EXD1: variants seen among roughly 807,000 people sequenced by gnomAD.
EXD1 encodes the protein exonuclease 3'-5' domain containing 1.
EXD1 carries 63 observed loss-of-function variants against 49.1 expected under a neutral mutation model. The ratio of observed to expected loss-of-function variants is 1.28; its 90% CI spans 1.05 to 1.58. The LOEUF (loss-of-function observed/expected upper bound fraction) is 1.58, where lower values mean the gene tolerates loss of function less well. Ranked by LOEUF, EXD1 falls within the 40% of genes most tolerant of loss-of-function variation. EXD1 has a pLI of 0.00. For missense variants in EXD1, 748 were observed against 666.0 expected, an observed-to-expected ratio of 1.12 and a Z score of -1.36; for synonymous variants, 234 against 239.2, an observed-to-expected ratio of 0.98 and a Z score of 0.20.
intron 2 of EXD1, among the ~76,000 whole-genome samples, chr15:41,224,994 C>A (rs1007005750): frequency 3.9e-5 from 6 of 151,940 alleles, no homozygotes; most frequent in Non-Finnish European, 5.9e-5. Context: ...CCCTATGTTT[C>A]TTTTGCATTT....
At position 41,189,950 on chromosome 15, in the gene EXD1, A is replaced by G. The variant is rs747851931; in HGVS notation, c.1043T>C (p.Leu348Pro). Residue 348 changes from leucine to proline, a missense_variant, in exon 11 of 12, where the codon CTT (leucine) becomes CCT (proline). Leu to Pro is a moderately conservative substitution (Grantham distance 98). Transcript: ENST00000458580. ...NTYREGSADR[L>P]GGTEPTCMEL... is the part of the protein sequence containing the mutation. ...AGCTGCACCTACCTCAGTGCCTCCA[A>G]GCCGGTCTGCAGACCCTTCGCGATA... 1 of 1,614,006 alleles carries G rather than the reference A, an allele frequency of 6.2e-7. No individual in the cohort carries two copies. The highest frequency in any genetic ancestry group is 1.7e-5 in the Admixed American group (1 of 59,994).
At chr15:41,210,263 C>T (rs1308695717) in intron 6 of EXD1, among the ~76,000 whole-genome samples, 2 of 152,128 alleles carry the variant, frequency 1.3e-5, no homozygotes, top group African/African-American at 2.4e-5. Flanking sequence ...CTATGGCATG[C>T]CCTAACACAG....
intron 6 of EXD1, 82 bp downstream of exon 6, chr15:41,215,693 A>AAAG: frequency 6.9e-7 from 1 of 1,457,318 alleles, no homozygotes; most frequent in Non-Finnish European, 9.6e-7. Flanking sequence ...CTCAAAAAAA[A>AAAG]AAAGAAAGAA....
At position 41,209,564 on chromosome 15, in the gene EXD1, A is replaced by G. The variant is rs1367256269; in HGVS notation, c.471T>C (p.Asn157=). The change falls in exon 7 of 12, where the codon AAT becomes AAC. Residue 157 remains asparagine, a synonymous_variant. Transcript: ENST00000458580. The part of the protein sequence containing the change: ...GAAILHIKKQ[N]VLSVAAEGAN... ...CTCCTTCTGCTGCCACACTCAGGAC[A>G]TTCTGCTTCTTGATATGGAGTATCT... 5 of 1,614,164 alleles carry G rather than the reference A, an allele frequency of 3.1e-6. No individual in the cohort carries two copies. In the South Asian group the frequency reaches 4.4e-5, roughly 14 times the overall value.
chr15:41,212,433 C>T lies in EXD1; in HGVS notation c.448-2846G>A, dbSNP rs561478965. On this transcript the variant is annotated intron_variant, in intron 6 of 11. Transcript: ENST00000458580. ...TGGTGCCACTGCACTCCAGCCTGGG[C>T]GACAGAGCAAGACTCCGTCTCAAAA... 2.0e-4 allele frequency among the ~76,000 whole-genome samples: 31 copies of T among 151,238 alleles called. 1 individual carries two copies. In the South Asian group the frequency reaches 5.0e-3, roughly 24 times the overall value.
chr15:41,215,926 G>C (rs544930608), intron 5 of EXD1, 93 bp from the exon 6 acceptor site: 69 of 1,261,978 alleles, frequency 5.5e-5, no homozygotes, highest in Non-Finnish European at 7.6e-5. Flanking sequence ...TATTCCTACT[G>C]TATTGCAACT....
Position 41,196,008 on chromosome 15 carries a change from A to T in EXD1, c.564T>A (p.Phe188Leu), listed in dbSNP as rs2046607120. The part of the protein sequence containing the change: ...QVATNCRVYL[F>L]DIFLLGSRAF... ...CTCGACTTCCCAGAAGGAAAATGTC[A>T]AATAAGTAAACTCGGCAATTTGTGG... is the stretch of plus-strand genomic sequence containing the variant. The change falls in exon 8 of 12, where the codon TTT becomes TTA. Residue 188 changes from phenylalanine to leucine, a missense_variant. Phe to Leu is a conservative substitution (Grantham distance 22). Coordinates refer to ENST00000458580, the MANE Select transcript of EXD1 (RefSeq NM_001286441.2). The T allele has an allele frequency of 1.2e-6, 2 of 1,613,368 alleles. No individual in the cohort carries two copies. Among genetic ancestry groups the T allele is most frequent in the Non-Finnish European group, 1.7e-6 (2 of 1,179,826 alleles).
At chr15:41,194,382 A>C (rs2046578921) in intron 9 of EXD1, among the ~76,000 whole-genome samples, 1 of 152,104 alleles carries the variant, frequency 6.6e-6, no homozygotes, top group African/African-American at 2.4e-5. Context: ...TGATGTGATG[A>C]TGGAAGCAGG....
intron 2 of EXD1, among the ~76,000 whole-genome samples, chr15:41,225,508 C>A (rs1359221527): frequency 1.3e-5 from 2 of 149,822 alleles, no homozygotes; most frequent in South Asian, 4.2e-4. Context: ...TTGCTTGAAC[C>A]TGGGAGGCAG....
intron 7 of EXD1, among the ~76,000 whole-genome samples, chr15:41,198,518 C>A (rs1386537958): frequency 6.6e-6 from 1 of 151,774 alleles, no homozygotes; most frequent in South Asian, 2.1e-4. Context: ...TATGGACACC[C>A]CATCTGTACA....
intron 7 of EXD1, among the ~76,000 whole-genome samples, chr15:41,199,324 G>A (rs558451402): frequency 6.6e-6 from 1 of 151,454 alleles, no homozygotes; most frequent in South Asian, 2.1e-4. Flanking sequence ...TTCAACACAA[G>A]TGATCCACCC....
Position 41,200,943 on chromosome 15 carries a change from G to A in EXD1, c.535-4906C>T, listed in dbSNP as rs144901094. 2.7e-3 allele frequency among the ~76,000 whole-genome samples: 400 copies of A among 150,306 alleles called. 9 individuals are homozygous for A. Among genetic ancestry groups the A allele is most frequent in the Admixed American group, 0.017 (252 of 15,028 alleles). The stretch of plus-strand genomic sequence containing the variant: ...GGCTGAAGTGCAGTGGTGTGATCTC[G>A]GCTCACTGCAACCTCCACCTCCCAG... On this transcript the variant is annotated intron_variant, in intron 7 of 11. Transcript: ENST00000458580.
At chr15:41,206,975 G>T (rs1395175873) in intron 7 of EXD1, among the ~76,000 whole-genome samples, 1 of 136,056 alleles carries the variant, frequency 7.3e-6, no homozygotes, top group Non-Finnish European at 1.5e-5. Flanking sequence ...TCTGCGCCAG[G>T]TGTGGTGGCT....
chr15:41,190,053 G>C lies in EXD1; in HGVS notation c.940C>G (p.Leu314Val). The change falls in exon 11 of 12, where the codon CTG (leucine) becomes GTG (valine). Residue 314 changes from leucine to valine, a missense_variant. Physicochemically the swap from Leu to Val is conservative, Grantham distance 32. Transcript: ENST00000458580. Reference protein sequence around the residue: ...LKILALEATYLLPLRLALLDE... With the variant: ...LKILALEATYVLPLRLALLDE... ...AGGAGTGCCAAGCGAAGGGGTAACAGGTAGGTAGCTTCCAGGGCCAAAATT... is the reference window on the plus strand; with the variant it reads ...AGGAGTGCCAAGCGAAGGGGTAACACGTAGGTAGCTTCCAGGGCCAAAATT... 1 of 1,614,158 alleles carries C rather than the reference G, an allele frequency of 6.2e-7. No homozygotes were observed.
intron 11 of EXD1, among the ~76,000 whole-genome samples, chr15:41,186,882 CTTTTTTTTTTTCTTTT>C (rs1323919799): frequency 7.5e-6 from 1 of 133,516 alleles, no homozygotes; most frequent in African/African-American, 2.8e-5. Context: ...TCAAGCGATT[CTTTTTTTTTTTCTTTT>C]TTTTTTTTTT....
intron 9 of EXD1, chr15:41,191,987 G>A (rs1031662032): frequency 2.4e-4 from 41 of 169,932 alleles, no homozygotes; most frequent in Admixed American, 1.1e-3. Context: ...TTACTATGTC[G>A]TCCAGGCTGG....
intron 7 of EXD1, among the ~76,000 whole-genome samples, chr15:41,199,176 C>G (rs191721318): frequency 2.6e-5 from 4 of 152,116 alleles, no homozygotes; most frequent in Non-Finnish European, 2.9e-5. Context: ...CCAGGCTGGT[C>G]GTGAACTCCT....
chr15:41,223,747 C>T (rs1028863893), intron 2 of EXD1, among the ~76,000 whole-genome samples: 1 of 151,174 alleles, frequency 6.6e-6, no homozygotes, highest in Non-Finnish European at 1.5e-5. Flanking sequence ...CGCCTGTAGT[C>T]CCAGCTACTT....
At chr15:41,192,998 G>A (rs574025819) in intron 9 of EXD1, among the ~76,000 whole-genome samples, 3 of 151,404 alleles carry the variant, frequency 2.0e-5, no homozygotes, top group African/African-American at 7.3e-5. Flanking sequence ...GGGTTTCACC[G>A]TGCTCTCGAT....
Sources: gnomAD v4.1 joint callset for allele counts (sites outside exome capture counted in the v4.1 genomes callset) on GRCh38, gnomAD v4.1.1 for gene constraint, MANE v1.5 for transcripts, NCBI Gene and HGNC (gene_info 2026-07-23, HGNC 2026-07-21) for gene names.